The following ETV5 variants were observed in gnomAD, a reference collection of about 807,000 sequenced individuals.
ETV5 encodes the protein ETS translocation variant 5.
In ETV5, 10 loss-of-function variants were observed where a neutral mutation model predicts 70.0. That is an observed-to-expected ratio of 0.14 (90% CI 0.09 to 0.24). The LOEUF (loss-of-function observed/expected upper bound fraction) is 0.24, where lower values mean the gene tolerates loss of function less well. ETV5 is among the 10% of genes least tolerant of loss of function. ETV5 has a pLI of 1.00. For missense variants in ETV5, 453 were observed against 651.2 expected (o/e 0.70, Z 3.31); for synonymous variants, 216 against 242.2 (o/e 0.89, Z 1.01).
intron 7 of ETV5, among the ~76,000 whole-genome samples, chr3:186,071,193 C>T (rs978176191): frequency 2.6e-4 from 39 of 150,564 alleles, no homozygotes; most frequent in Non-Finnish European, 5.6e-4. Flanking sequence ...ACACAATGCT[C>T]ACAGGAAAAA....
In ETV5 at chr3:186,098,339, C is replaced by G. The variant is rs539826441; in HGVS notation, c.232+6966G>C. Among the ~76,000 whole-genome samples the G allele has an allele frequency of 1.2e-3, 176 of 152,304 alleles. 4 individuals are homozygous for G. The South Asian group carries it at 0.033, about 28-fold the overall frequency. Reference sequence around the variant, plus strand: ...GGTTTGCATTAGGGCACAACTCTCTCTGGAAGCCTGCCTCTCCAGACCTTC... The same window carrying G: ...GGTTTGCATTAGGGCACAACTCTCTGTGGAAGCCTGCCTCTCCAGACCTTC... On this transcript the variant is annotated intron_variant, in intron 5 of 12. Coordinates refer to ENST00000306376, the MANE Select transcript of ETV5 (RefSeq NM_004454.3).
At chr3:186,069,349 G>C (rs969706320) in intron 7 of ETV5, among the ~76,000 whole-genome samples, 1 of 152,218 alleles carries the variant, frequency 6.6e-6, no homozygotes, top group African/African-American at 2.4e-5. Context: ...GGCGCTGAAT[G>C]CCTTACGGCA....
At chr3:186,106,742 C>A (rs189662205) in intron 1 of ETV5, among the ~76,000 whole-genome samples, 1 of 152,252 alleles carries the variant, frequency 6.6e-6, no homozygotes, top group Non-Finnish European at 1.5e-5. Flanking sequence ...CATACCCCCC[C>A]ACCCCCAAAT....
chr3:186,086,985 A>G lies in ETV5; in HGVS notation c.233-5810T>C, dbSNP rs967523699. 1.6e-4 allele frequency among the ~76,000 whole-genome samples: 25 copies of G among 152,220 alleles called. 1 individual carries two copies. The highest frequency in any genetic ancestry group is 1.4e-3 in the Admixed American group (22 of 15,282). The stretch of plus-strand genomic sequence containing the variant: ...GACCCTGTCTCAAGAAAAAACAAAG[A>G]AAAAAGATGCCTACACTGAAAACCA... On this transcript the variant is annotated intron_variant, in intron 5 of 12. Transcript: ENST00000306376.
chr3:186,093,615 G>A (rs1435611412), intron 5 of ETV5, among the ~76,000 whole-genome samples: 3 of 152,204 alleles, frequency 2.0e-5, no homozygotes, highest in African/African-American at 7.2e-5. Context: ...GTCGGCTTGG[G>A]AGGTTACTGT....
chr3:186,061,585 G>C (rs1713305452), intron 9 of ETV5, among the ~76,000 whole-genome samples: 5 of 152,168 alleles, frequency 3.3e-5, no homozygotes, highest in Admixed American at 3.3e-4. Flanking sequence ...ATACACTTGA[G>C]AAAAAGAAGA....
At chr3:186,059,012 C>CA (rs1407821740) in intron 9 of ETV5, among the ~76,000 whole-genome samples, 4,198 of 87,824 alleles carry the variant, frequency 0.048, 206 homozygotes, top group African/African-American at 0.14. Flanking sequence ...GGCTCTGTCT[C>CA]AAAAAAAAAA....
Position 186,105,233 on chromosome 3 carries a change from A to G in ETV5, c.232+72T>C. On this transcript the variant is annotated intron_variant, in intron 5 of 12. Transcript: ENST00000306376. The surrounding 1 kb of genome is among the most constrained non-coding windows in gnomAD (Gnocchi z 4.5). The stretch of plus-strand genomic sequence containing the variant: ...AAATCTGGCCATAGCTGAAAAAAGC[A>G]TATTCTAGACATGGATGATCTAAGA... 2.3e-6 allele frequency: 3 copies of G among 1,329,762 alleles called. No individual in the cohort carries two copies. Among genetic ancestry groups the G allele is most frequent in the South Asian group, 2.6e-5 (2 of 77,662 alleles). 82.4% of individuals were successfully genotyped at this position (1,329,762 alleles called of 1,614,324 possible). A position where few individuals can be genotyped will look rare whatever the true frequency, so the allele number is the denominator to read the frequency against.
chr3:186,095,437 T>C (rs1257556790), intron 5 of ETV5: 1 of 152,254 alleles, frequency 6.6e-6, no homozygotes, highest in African/African-American at 2.4e-5. Flanking sequence ...GTACTTGAAA[T>C]AGGATTTAAG....
intron 12 of ETV5, among the ~76,000 whole-genome samples, chr3:186,050,341 C>A (rs1402672322): frequency 6.6e-6 from 1 of 152,142 alleles, no homozygotes; most frequent in Non-Finnish European, 1.5e-5. Context: ...TTAGAAAACA[C>A]AGAAGCTAGT....
intron 9 of ETV5, among the ~76,000 whole-genome samples, chr3:186,062,999 C>T (rs562477996): frequency 9.2e-5 from 14 of 152,202 alleles, no homozygotes; most frequent in Admixed American, 2.6e-4. Context: ...AGGCTGGGCG[C>T]GGTAGTTCAC....
chr3:186,098,613 G>A (rs1251296839), intron 5 of ETV5, among the ~76,000 whole-genome samples: 2 of 152,048 alleles, frequency 1.3e-5, no homozygotes, highest in Admixed American at 6.6e-5. Flanking sequence ...AATCTACGCC[G>A]AGACTTTGCA....
At chr3:186,059,023 AAAT>A (rs1713239583) in intron 9 of ETV5, among the ~76,000 whole-genome samples, 1 of 151,082 alleles carries the variant, frequency 6.6e-6, no homozygotes, top group Non-Finnish European at 1.5e-5. Flanking sequence ...AAAAAAAAAA[AAAT>A]AAAATAAAAA....
At chr3:186,079,024 T>G (rs878883366) in intron 7 of ETV5, 1 of 1,062,070 alleles carries the variant, frequency 9.4e-7, no homozygotes, top group South Asian at 4.6e-5. Context: ...TAGATAGATA[T>G]GAAATACCAT....
Position 186,046,670 on chromosome 3 carries a change from A to C in ETV5, c.*1969T>G, listed in dbSNP as rs1560042683. 2.9e-5 allele frequency: 5 copies of C among 172,786 alleles called. No homozygotes were observed. Among genetic ancestry groups the C allele is most frequent in the Admixed American group, 7.2e-5 (1 of 13,878 alleles). 10.7% of individuals were successfully genotyped at this position (172,786 alleles called of 1,614,324 possible). ...TTGCTAAGACAGCATAAATCCATTCAAAAGAAAAAAAAAAAAAATCCAAAC... is the reference window on the plus strand; with the variant it reads ...TTGCTAAGACAGCATAAATCCATTCCAAAGAAAAAAAAAAAAAATCCAAAC... On this transcript the variant is annotated 3_prime_UTR_variant, in exon 13 of 13. Coordinates refer to ENST00000306376, the MANE Select transcript of ETV5 (RefSeq NM_004454.3).
intron 1 of ETV5, chr3:186,106,864 A>ACC: frequency 1.6e-5 from 12 of 764,234 alleles, no homozygotes; most frequent in Non-Finnish European, 1.9e-5. Context: ...TCAGGGAGGT[A>ACC]CCATCTTCCT....
chr3:186,070,479 A>C (rs944602595), intron 7 of ETV5, among the ~76,000 whole-genome samples: 1 of 152,254 alleles, frequency 6.6e-6, no homozygotes, highest in Non-Finnish European at 1.5e-5. Context: ...AAGGATGCGC[A>C]AAGCTTAGAG....
At chr3:186,066,282 C>CAAAAAAAAAAAAAAAAA (rs1356517173) in intron 7 of ETV5, among the ~76,000 whole-genome samples, 4 of 44,864 alleles carry the variant, frequency 8.9e-5, no homozygotes, top group Non-Finnish European at 1.0e-4. Flanking sequence ...AAAAAAAAAT[C>CAAAAAAAAAAAAAAAAA]AAAGCAATGA....
intron 9 of ETV5, among the ~76,000 whole-genome samples, chr3:186,061,155 T>C (rs970713843): frequency 2.0e-5 from 3 of 152,208 alleles, no homozygotes; most frequent in Non-Finnish European, 2.9e-5. Context: ...CAATGCTTCA[T>C]GAGTATCAGC....
Sources: gnomAD v4.1 joint callset for allele counts (sites outside exome capture counted in the v4.1 genomes callset) on GRCh38, gnomAD v4.1.1 for gene constraint, Gnocchi (gnomAD v3.1) non-coding constraint, MANE v1.5 for transcripts, NCBI Gene and HGNC (gene_info 2026-07-23, HGNC 2026-07-21) for gene names.